The following ETV6 variants were observed in gnomAD, a reference collection of about 807,000 sequenced individuals.
ETV6 encodes ETS variant transcription factor 6.
ETV6 carries 16 observed loss-of-function variants against 51.1 expected under a neutral mutation model. The observed-to-expected ratio is 0.31, with a 90% CI of 0.21 to 0.48. ETV6 has a LOEUF of 0.48. Ranked by LOEUF, ETV6 falls within the 20% of genes least tolerant of loss-of-function variation. The pLI is 0.99. For missense variants in ETV6, 458 were observed against 594.8 expected (o/e 0.77, Z 2.39); for synonymous variants, 240 against 224.1 (o/e 1.07, Z -0.64).
At chr12:11,742,652 G>A (rs1022869672) in intron 1 of ETV6, among the ~76,000 whole-genome samples, 4 of 152,100 alleles carry the variant, frequency 2.6e-5, no homozygotes, top group African/African-American at 9.7e-5. Flanking sequence ...ATAAAGACAA[G>A]TTTAATTCTT....
At chr12:11,880,602 C>T (rs11832110) in intron 5 of ETV6, among the ~76,000 whole-genome samples, 15,687 of 152,210 alleles carry the variant, frequency 0.1, 1,540 homozygotes, top group African/African-American at 0.26. Context: ...GCAGTGAAAA[C>T]GCCCATGCTT....
At chr12:11,749,128 A>G (rs1286462083) in intron 1 of ETV6, among the ~76,000 whole-genome samples, 2 of 152,166 alleles carry the variant, frequency 1.3e-5, no homozygotes, top group East Asian at 3.8e-4. Context: ...CATCTAAACA[A>G]TAATGTAACC....
In ETV6 at chr12:11,894,540, T is replaced by C. The variant is rs61921366; in HGVS notation, c.*3494T>C. ...AATAATAGACCAATGGATTTTCTCC[T>C]TTCACCAGTATGTTTGGAACCCTCT... On this transcript the variant is annotated 3_prime_UTR_variant, in exon 8 of 8. Coordinates refer to ENST00000396373, the MANE Select transcript of ETV6 (RefSeq NM_001987.5). The C allele has an allele frequency of 0.063, 14,698 of 233,220 alleles. 592 individuals are homozygous for C. The highest frequency in any genetic ancestry group is 0.086 in the South Asian group (476 of 5,524). The allele number at this position is 233,220 out of a possible 1,614,324, so 14.4% of individuals were successfully genotyped here.
chr12:11,727,966 C>T lies in ETV6; in HGVS notation c.34-24484C>T, dbSNP rs146302139. 6.9e-4 allele frequency among the ~76,000 whole-genome samples: 105 copies of T among 152,208 alleles called. 2 individuals are homozygous for T. In the East Asian group the frequency reaches 0.015, roughly 22 times the overall value. On this transcript the variant is annotated intron_variant, in intron 1 of 7. Coordinates refer to ENST00000396373, the MANE Select transcript of ETV6 (RefSeq NM_001987.5). ...TCCCGAGTAGCTGGGATTACAGACA[C>T]GCGCCACCACGCCTGGCTAATTTTT...
At chr12:11,731,149 A>G (rs748876142) in intron 1 of ETV6, among the ~76,000 whole-genome samples, 1 of 152,364 alleles carries the variant, frequency 6.6e-6, no homozygotes, top group South Asian at 2.1e-4. Flanking sequence ...CTCCACTGCA[A>G]TAAGAAGAGT....
intron 1 of ETV6, among the ~76,000 whole-genome samples, chr12:11,658,939 A>G (rs1274910697): frequency 1.3e-5 from 2 of 152,244 alleles, no homozygotes; most frequent in South Asian, 2.1e-4. Flanking sequence ...ATTTGAACCT[A>G]TTCAGGGATC....
chr12:11,736,656 G>A (rs1865707698), intron 1 of ETV6, among the ~76,000 whole-genome samples: 1 of 152,186 alleles, frequency 6.6e-6, no homozygotes, highest in African/African-American at 2.4e-5. Flanking sequence ...AGGTGTTCCA[G>A]GAACTTGGAA....
chr12:11,692,852 C>T (rs1378869082), intron 1 of ETV6, among the ~76,000 whole-genome samples: 1 of 152,014 alleles, frequency 6.6e-6, no homozygotes, highest in Admixed American at 6.6e-5. Context: ...GAGTTCAAGA[C>T]CAGCCTGGGC....
intron 1 of ETV6, among the ~76,000 whole-genome samples, chr12:11,740,424 A>AAG (rs1865787842): frequency 6.6e-6 from 1 of 152,186 alleles, no homozygotes; most frequent in South Asian, 2.1e-4. Context: ...AGCCCCTAGT[A>AAG]AGACTTGATG....
intron 2 of ETV6, among the ~76,000 whole-genome samples, chr12:11,775,703 A>G (rs552531892): frequency 6.6e-6 from 1 of 152,272 alleles, no homozygotes; most frequent in Non-Finnish European, 1.5e-5. Flanking sequence ...CTGAGTCCAC[A>G]TTTATAAGTT....
rs58425910 is a variant in ETV6, at chr12:11,871,415, C to G, written c.1009+1446C>G. On this transcript the variant is annotated intron_variant, in intron 5 of 7. Coordinates refer to ENST00000396373, the MANE Select transcript of ETV6 (RefSeq NM_001987.5). ...CCATGTTAGCCAGGATGGTCTTGATCTCCTGACCTCGCGATCCGCCTGCGT... is the reference window on the plus strand; with the variant it reads ...CCATGTTAGCCAGGATGGTCTTGATGTCCTGACCTCGCGATCCGCCTGCGT... Among the ~76,000 whole-genome samples the G allele has an allele frequency of 3.4e-3, 525 of 152,178 alleles. 5 individuals carry two copies. The highest frequency in any genetic ancestry group is 0.012 in the African/African-American group (507 of 41,512).
chr12:11,813,825 T>C (rs935335686), intron 2 of ETV6, among the ~76,000 whole-genome samples: 1 of 151,868 alleles, frequency 6.6e-6, no homozygotes, highest in African/African-American at 2.4e-5. Flanking sequence ...GCCTGTGTGG[T>C]TCGAGGCCAG....
intron 3 of ETV6, among the ~76,000 whole-genome samples, chr12:11,852,446 C>T (rs957939770): frequency 6.6e-6 from 1 of 152,108 alleles, no homozygotes; most frequent in Non-Finnish European, 1.5e-5. Context: ...CACCTCTAAC[C>T]GGACTTGTGA....
chr12:11,678,217 A>C (rs1864457727), intron 1 of ETV6, among the ~76,000 whole-genome samples: 1 of 152,178 alleles, frequency 6.6e-6, no homozygotes, highest in Non-Finnish European at 1.5e-5. Context: ...GGCCCTGGAG[A>C]TCAGAGCAAA....
At chr12:11,726,761 C>T (rs562500860) in intron 1 of ETV6, among the ~76,000 whole-genome samples, 1 of 152,278 alleles carries the variant, frequency 6.6e-6, no homozygotes, top group African/African-American at 2.4e-5. Flanking sequence ...CAGAGCCAGA[C>T]CCTGTCTTAA....
intron 1 of ETV6, among the ~76,000 whole-genome samples, chr12:11,663,743 T>C (rs534420511): frequency 2.1e-4 from 27 of 127,324 alleles, no homozygotes; most frequent in African/African-American, 7.8e-4. Context: ...CTGTGGTGTT[T>C]ATATGTTGGT....
chr12:11,797,886 C>T (rs17210726), intron 2 of ETV6, among the ~76,000 whole-genome samples: 1,849 of 152,174 alleles, frequency 0.012, 38 homozygotes, highest in East Asian at 0.093. Context: ...ATTTTAGTTC[C>T]GTGGTTCTTG....
intron 1 of ETV6, among the ~76,000 whole-genome samples, chr12:11,683,409 A>G (rs536198376): frequency 1.3e-5 from 2 of 152,308 alleles, no homozygotes; most frequent in East Asian, 1.9e-4. Context: ...ACTTAGCCAC[A>G]TTTTTCATAT....
chr12:11,824,771 C>CAAAAAG (rs141446672), intron 2 of ETV6, among the ~76,000 whole-genome samples: 90 of 151,966 alleles, frequency 5.9e-4, no homozygotes, highest in Non-Finnish European at 6.6e-4. Flanking sequence ...GACTCCATCT[C>CAAAAAG]AAAAAGAAAA....
Sources: allele counts gnomAD v4.1 joint callset (sites outside exome capture counted in the v4.1 genomes callset), GRCh38; gene constraint gnomAD v4.1.1; transcripts MANE v1.5; gene names NCBI Gene and HGNC (gene_info 2026-07-23, HGNC 2026-07-21).